Variants in UGGT2 observed in about 807,000 individuals in gnomAD.
UGGT2 encodes UDP-glucose glycoprotein glucosyltransferase 2.
In UGGT2, 180 loss-of-function variants were observed where a neutral mutation model predicts 192.1. That is an observed-to-expected ratio of 0.94 (90% CI 0.83 to 1.06). UGGT2 has a LOEUF of 1.06. Among genes scored for constraint, UGGT2 ranks in the 50% least tolerant of loss-of-function variants. The probability of loss-of-function intolerance (pLI) is 0.00; values close to 1 mark genes in which losing one functional copy is unlikely to be tolerated. For synonymous variants in UGGT2, 580 were observed against 591.0 expected, an observed-to-expected ratio of 0.98 and a Z score of 0.27; for missense variants, 1,849 against 1,795.7, an observed-to-expected ratio of 1.03 and a Z score of -0.54.
intron 10 of UGGT2, among the ~76,000 whole-genome samples, chr13:95,979,096 C>T (rs938936027): frequency 6.6e-6 from 1 of 152,142 alleles, no homozygotes; most frequent in Admixed American, 6.5e-5. Context: ...ATCATATCCT[C>T]ATTTTATTTT....
Position 96,031,874 on chromosome 13 carries a change from T to A in UGGT2, c.241+15A>T, listed in dbSNP as rs546407982. ...AAATACAAATCTTACAAGTTAAAAT[T>A]TACATATCACCTACCTGTTTGCTTA... On this transcript the variant is annotated intron_variant, in intron 2 of 38. Transcript: ENST00000376747. The A allele has an allele frequency of 6.3e-7, 1 of 1,579,528 alleles. No homozygotes were observed. Among genetic ancestry groups the A allele is most frequent in the South Asian group, 1.2e-5 (1 of 85,080 alleles).
chr13:95,849,599 A>C (rs1888821801), intron 36 of UGGT2, among the ~76,000 whole-genome samples: 1 of 151,428 alleles, frequency 6.6e-6, no homozygotes, highest in Non-Finnish European at 1.5e-5. Context: ...TTTATAAATA[A>C]CTTTCTTTTA....
intron 7 of UGGT2, among the ~76,000 whole-genome samples, chr13:95,991,734 A>G (rs941053680): frequency 1.3e-5 from 2 of 152,160 alleles, no homozygotes; most frequent in South Asian, 2.1e-4. Context: ...GAGCTACTAT[A>G]CCAATTTTCA....
intron 38 of UGGT2, among the ~76,000 whole-genome samples, chr13:95,825,011 G>A (rs927615545): frequency 3.3e-5 from 5 of 151,968 alleles, no homozygotes; most frequent in African/African-American, 1.2e-4. Flanking sequence ...GGTTATTTGT[G>A]CTTTTGGGAG....
At chr13:95,958,367 G>A (rs2050277184) in intron 12 of UGGT2, among the ~76,000 whole-genome samples, 1 of 152,060 alleles carries the variant, frequency 6.6e-6, no homozygotes, top group African/African-American at 2.4e-5. Flanking sequence ...TAGCCTGGAT[G>A]GTCTCCATCT....
In UGGT2 at chr13:95,853,562, CTG is replaced by C; in HGVS notation, c.4263_4264del (p.Asn1421LysfsTer12). The C allele has an allele frequency of 6.2e-7, 1 of 1,612,796 alleles. No homozygotes were observed. Among genetic ancestry groups the C allele is most frequent in the Non-Finnish European group, 8.5e-7 (1 of 1,179,472 alleles). ...ACTTACCTGATCTAGGTTTGAAAGA[CTG>C]TTTGGATCTTGACTGAGAGCTTGAT... On this transcript the variant is annotated frameshift_variant, in exon 36 of 39. Coordinates refer to ENST00000376747, the MANE Select transcript of UGGT2 (RefSeq NM_020121.4). LOFTEE classifies it high-confidence loss of function.
At position 96,047,142 on chromosome 13, in the gene UGGT2, T is replaced by C. The variant is rs183343423; in HGVS notation, c.158+6013A>G. Among the ~76,000 whole-genome samples the C allele has an allele frequency of 2.2e-3, 331 of 152,256 alleles. 2 individuals carry two copies. Among genetic ancestry groups the C allele is most frequent in the Non-Finnish European group, 2.2e-3 (150 of 68,012 alleles). On this transcript the variant is annotated intron_variant, in intron 1 of 38. Transcript: ENST00000376747. ...AGTGGTGCTTCTCCCAGCACGGAGT[T>C]TGAGATCTGAGAACAGACAGACTGC...
chr13:95,888,803 T>C (rs1458792215), intron 25 of UGGT2, among the ~76,000 whole-genome samples: 1 of 150,894 alleles, frequency 6.6e-6, no homozygotes, highest in African/African-American at 2.4e-5. Flanking sequence ...ATATTTTATA[T>C]CTCTGTATAA....
chr13:95,942,732 C>T (rs899633801), intron 15 of UGGT2, among the ~76,000 whole-genome samples: 3 of 152,030 alleles, frequency 2.0e-5, no homozygotes, highest in African/African-American at 7.2e-5. Flanking sequence ...AAATACTTCT[C>T]CTGCTTATAA....
chr13:95,815,715 A>C (rs78077664), intron 38 of UGGT2, among the ~76,000 whole-genome samples: 9,724 of 152,254 alleles, frequency 0.064, 704 homozygotes, highest in African/African-American at 0.17. Flanking sequence ...AACTTAAAAA[A>C]GAGCAAAAAT....
intron 2 of UGGT2, among the ~76,000 whole-genome samples, chr13:96,029,411 C>T (rs563886473): frequency 1.3e-5 from 2 of 151,954 alleles, no homozygotes; most frequent in East Asian, 3.9e-4. Context: ...CTCAGCCTCC[C>T]GAGTAGCTGG....
chr13:95,992,186 A>G (rs1304774110), intron 7 of UGGT2, among the ~76,000 whole-genome samples: 2 of 152,202 alleles, frequency 1.3e-5, no homozygotes, highest in Non-Finnish European at 2.9e-5. Flanking sequence ...AGAAAAAAAA[A>G]TGAATAGCCA....
intron 1 of UGGT2, among the ~76,000 whole-genome samples, chr13:96,032,407 A>G (rs994490008): frequency 1.3e-5 from 2 of 152,134 alleles, no homozygotes; most frequent in Non-Finnish European, 2.9e-5. Context: ...TAGAAGTTAT[A>G]TTATCTATTG....
intron 38 of UGGT2, among the ~76,000 whole-genome samples, chr13:95,814,013 A>G (rs1884697935): frequency 6.6e-6 from 1 of 152,216 alleles, no homozygotes; most frequent in African/African-American, 2.4e-5. Context: ...CTTGGCAGCC[A>G]TCGTCTAGAT....
intron 6 of UGGT2, among the ~76,000 whole-genome samples, chr13:95,998,925 T>C (rs1025185203): frequency 1.3e-4 from 20 of 152,194 alleles, no homozygotes; most frequent in African/African-American, 4.1e-4. Context: ...GTACCTTACA[T>C]ATACTATCAA....
chr13:95,822,590 G>T (rs565064326), intron 38 of UGGT2, among the ~76,000 whole-genome samples: 31 of 151,820 alleles, frequency 2.0e-4, no homozygotes, highest in South Asian at 8.3e-4. Flanking sequence ...CTAATAGTTC[G>T]TACATGTAAA....
At chr13:95,919,845 A>C (rs777654983) in intron 20 of UGGT2, among the ~76,000 whole-genome samples, 2 of 152,208 alleles carry the variant, frequency 1.3e-5, no homozygotes, top group Admixed American at 6.5e-5. Flanking sequence ...ACATATTTAG[A>C]AAAAGTGATT....
rs767980798 is a variant in UGGT2 at position 95,947,162 on chromosome 13, CA to C, written c.1551del (p.Phe517LeufsTer41). On this transcript the variant is annotated frameshift_variant, in exon 15 of 39. Coordinates refer to ENST00000376747, the MANE Select transcript of UGGT2 (RefSeq NM_020121.4). LOFTEE classifies it high-confidence loss of function. ...TCATCATCTGTATTAAGAATGAACA[CA>C]AAACCAATTCTGGAAAAAGAAGATG... ...YSHEVPLRIG[F>X]VFILNTDDEV... is the part of the protein sequence containing the mutation. The C allele has an allele frequency of 1.4e-5, 22 of 1,597,858 alleles. No individual in the cohort carries two copies. Among genetic ancestry groups the C allele is most frequent in the Non-Finnish European group, 3.4e-6 (4 of 1,175,524 alleles).
intron 12 of UGGT2, among the ~76,000 whole-genome samples, chr13:95,957,244 G>C (rs2050237529): frequency 6.6e-6 from 1 of 152,210 alleles, no homozygotes; most frequent in Non-Finnish European, 1.5e-5. Context: ...GAAAATAAAT[G>C]GTGGTGATGG....
Sources: allele counts gnomAD v4.1 joint callset (sites outside exome capture counted in the v4.1 genomes callset), GRCh38; gene constraint gnomAD v4.1.1; transcripts MANE v1.5; gene names NCBI Gene and HGNC (gene_info 2026-07-23, HGNC 2026-07-21).